The following NRXN3 variants were observed in gnomAD, a reference collection of about 807,000 sequenced individuals.
NRXN3 encodes the protein neurexin 3.
Under a neutral mutation model 137.6 loss-of-function variants are expected in NRXN3, and 32 were observed. The ratio of observed to expected loss-of-function variants is 0.23; its 90% CI spans 0.18 to 0.31. The LOEUF is 0.31. Among genes scored for constraint, NRXN3 ranks in the 10% least tolerant of loss-of-function variants. The pLI, the probability that NRXN3 is intolerant of heterozygous loss-of-function variation, is 1.00. For missense variants in NRXN3, 1,574 were observed against 2,062.5 expected, an observed-to-expected ratio of 0.76 and a Z score of 4.59; for synonymous variants, 798 against 784.5, an observed-to-expected ratio of 1.02 and a Z score of -0.29.
At chr14:79,377,138 A>G (rs926525169) in intron 15 of NRXN3, among the ~76,000 whole-genome samples, 1 of 152,228 alleles carries the variant, frequency 6.6e-6, no homozygotes, top group African/African-American at 2.4e-5. Flanking sequence ...CAGAAATATG[A>G]TGTTTACTTA....
intron 4 of NRXN3, among the ~76,000 whole-genome samples, chr14:78,481,557 G>T (rs2095474175): frequency 6.6e-6 from 1 of 152,154 alleles, no homozygotes; most frequent in Non-Finnish European, 1.5e-5. Flanking sequence ...TCCTGGAAGA[G>T]CCCAGGCAAA....
intron 16 of NRXN3, among the ~76,000 whole-genome samples, chr14:79,618,301 T>C (rs1254863670): frequency 6.6e-6 from 1 of 152,136 alleles, no homozygotes; most frequent in African/African-American, 2.4e-5. Context: ...CTCATCATTC[T>C]TAGCATAGTA....
intron 4 of NRXN3, among the ~76,000 whole-genome samples, chr14:78,335,353 T>C (rs763456128): frequency 7.9e-5 from 12 of 152,326 alleles, no homozygotes; most frequent in Middle Eastern, 6.8e-3. Context: ...GTCAGCTCTT[T>C]TAAATCATCA....
chr14:78,943,386 G>C (rs1272188943), intron 10 of NRXN3, among the ~76,000 whole-genome samples: 1 of 151,502 alleles, frequency 6.6e-6, no homozygotes, highest in East Asian at 2.0e-4. Flanking sequence ...GGAGGGCTTG[G>C]AGGGCAGAGG....
chr14:78,284,940 A>C (rs1314053148), intron 3 of NRXN3, among the ~76,000 whole-genome samples: 2 of 152,230 alleles, frequency 1.3e-5, no homozygotes, highest in Admixed American at 1.3e-4. Context: ...AAGACATTGC[A>C]TCCTTTGCCC....
At chr14:78,953,463 C>CCTTA (rs1313087858) in intron 10 of NRXN3, among the ~76,000 whole-genome samples, 1 of 152,172 alleles carries the variant, frequency 6.6e-6, no homozygotes, top group Non-Finnish European at 1.5e-5. Context: ...TGAAGCAAAG[C>CCTTA]CTTACCTCAA....
intron 10 of NRXN3, among the ~76,000 whole-genome samples, chr14:78,833,397 C>G (rs2098987751): frequency 6.6e-6 from 1 of 152,144 alleles, no homozygotes; most frequent in Admixed American, 6.6e-5. Flanking sequence ...CTGTTGTCAT[C>G]TCTAGGGGAA....
chr14:78,764,688 A>G (rs2098703098), intron 8 of NRXN3, among the ~76,000 whole-genome samples: 1 of 152,218 alleles, frequency 6.6e-6, no homozygotes, highest in Non-Finnish European at 1.5e-5. Context: ...AGTGGTGAAA[A>G]GCAGCTTAGC....
intron 20 of NRXN3, among the ~76,000 whole-genome samples, chr14:79,831,020 T>A (rs1044424952): frequency 6.6e-6 from 1 of 152,112 alleles, no homozygotes; most frequent in Non-Finnish European, 1.5e-5. Context: ...CCAGTTCATT[T>A]CAGGAACGTG....
chr14:78,461,985 T>C (rs1026580832), intron 4 of NRXN3, among the ~76,000 whole-genome samples: 4 of 152,216 alleles, frequency 2.6e-5, no homozygotes, highest in Admixed American at 6.5e-5. Flanking sequence ...ACTCCAGCTT[T>C]GCATTGAACT....
chr14:78,614,645 A>G (rs1199615748), intron 4 of NRXN3, among the ~76,000 whole-genome samples: 1 of 152,114 alleles, frequency 6.6e-6, no homozygotes, highest in African/African-American at 2.4e-5. Context: ...ATTTTGCTAT[A>G]TATACACATA....
chr14:78,923,257 G>C (rs921615575), intron 10 of NRXN3, among the ~76,000 whole-genome samples: 5 of 152,130 alleles, frequency 3.3e-5, no homozygotes, highest in African/African-American at 1.2e-4. Context: ...TTGCCCTCAG[G>C]CTAGCTACAG....
chr14:79,564,986 G>A lies in NRXN3; in HGVS notation c.3444+97584G>A, dbSNP rs192932352. On this transcript the variant is annotated intron_variant, in intron 16 of 20. Coordinates refer to ENST00000335750, the MANE Select transcript of NRXN3 (RefSeq NM_001330195.2). Reference sequence around the variant, plus strand: ...AATCACAGCAAGCTTAATTAGGTGTGAGCATCATGACCTCAGGAGAACCTG... The same window carrying A: ...AATCACAGCAAGCTTAATTAGGTGTAAGCATCATGACCTCAGGAGAACCTG... Among the ~76,000 whole-genome samples, 3 of 152,186 alleles carry A rather than the reference G, an allele frequency of 2.0e-5. No individual in the cohort carries two copies. The East Asian group carries it at 5.8e-4, about 30-fold the overall frequency.
chr14:78,918,285 C>CAAAAAAAAAAAA (rs71454807), intron 10 of NRXN3, among the ~76,000 whole-genome samples: 16 of 34,650 alleles, frequency 4.6e-4, no homozygotes, highest in South Asian at 2.6e-3. Flanking sequence ...AACTCCATCT[C>CAAAAAAAAAAAA]AAAAAAAAAA....
intron 16 of NRXN3, among the ~76,000 whole-genome samples, chr14:79,513,470 T>C (rs564606383): frequency 5.3e-5 from 8 of 152,256 alleles, no homozygotes; most frequent in Admixed American, 5.2e-4. Flanking sequence ...GAATAATCTG[T>C]CCCTAGCACA....
chr14:79,257,666 G>C (rs1165586945), intron 15 of NRXN3, among the ~76,000 whole-genome samples: 2 of 150,012 alleles, frequency 1.3e-5, no homozygotes, highest in African/African-American at 4.9e-5. Flanking sequence ...TTATCAGCAA[G>C]AAAGTGTGGG....
At chr14:78,457,004 T>C in intron 4 of NRXN3, among the ~76,000 whole-genome samples, 1 of 147,956 alleles carries the variant, frequency 6.8e-6, no homozygotes, top group Non-Finnish European at 1.5e-5. Context: ...CTTCTTTCTC[T>C]TCCTCCTCCT....
chr14:78,274,950 G>T (rs1160535003), intron 2 of NRXN3, among the ~76,000 whole-genome samples: 1 of 152,152 alleles, frequency 6.6e-6, no homozygotes, highest in Non-Finnish European at 1.5e-5. Flanking sequence ...GAAGGTGGGA[G>T]TAATGTGAGC....
intron 4 of NRXN3, among the ~76,000 whole-genome samples, chr14:78,594,209 G>T (rs1413011875): frequency 6.6e-6 from 1 of 152,248 alleles, no homozygotes; most frequent in East Asian, 1.9e-4. Flanking sequence ...AGCAGTACCA[G>T]CATCGAGGGC....
Sources: allele counts gnomAD v4.1 joint callset (sites outside exome capture counted in the v4.1 genomes callset), GRCh38; gene constraint gnomAD v4.1.1; transcripts MANE v1.5; gene names NCBI Gene and HGNC (gene_info 2026-07-23, HGNC 2026-07-21).